The following ITPK1 variants were observed in gnomAD, a reference collection of about 807,000 sequenced individuals.
The protein encoded by ITPK1 is inositol-tetrakisphosphate 1-kinase, also known as inositol 1,3,4-trisphosphate 5/6-kinase.
In ITPK1, 21 loss-of-function variants were observed where a neutral mutation model predicts 45.3. The ratio of observed to expected loss-of-function variants is 0.46; its 90% confidence interval spans 0.33 to 0.67. The LOEUF is 0.67. ITPK1 is among the 30% of genes least tolerant of loss of function. ITPK1 has a pLI of 0.02. For missense variants in ITPK1, 474 were observed against 573.5 expected, an observed-to-expected ratio of 0.83 and a Z score of 1.77; for synonymous variants, 258 against 253.6, an observed-to-expected ratio of 1.02 and a Z score of -0.16.
chr14:93,060,476 G>C (rs569139184), intron 3 of ITPK1, among the ~76,000 whole-genome samples: 6 of 152,166 alleles, frequency 3.9e-5, no homozygotes, highest in Non-Finnish European at 7.4e-5. Flanking sequence ...CCCTGACCAG[G>C]AGAGAGGCCA....
In ITPK1 at chr14:93,105,230, G is replaced by A. The variant is rs996853280; in HGVS notation, c.95+9839C>T. Among the ~76,000 whole-genome samples, 53 of 152,170 alleles carry A rather than the reference G, an allele frequency of 3.5e-4. 1 individual carries two copies. Among genetic ancestry groups the A allele is most frequent in the Non-Finnish European group, 4.7e-4 (32 of 68,020 alleles). ...GTGAGCTCAGGGTACAGAGACCCAGGAGCCAGCCTGGGAACCTCTGGCTCC... is the reference window on the plus strand; with the variant it reads ...GTGAGCTCAGGGTACAGAGACCCAGAAGCCAGCCTGGGAACCTCTGGCTCC... On this transcript the variant is annotated intron_variant, in intron 2 of 10. Coordinates refer to ENST00000267615, the MANE Select transcript of ITPK1 (RefSeq NM_014216.6).
In ITPK1 at chr14:92,962,412, G is replaced by A. The variant is rs1376579555; in HGVS notation, c.464-17C>T. The A allele has an allele frequency of 8.2e-6, 13 of 1,587,832 alleles. No individual in the cohort carries two copies. The highest frequency in any genetic ancestry group is 1.0e-5 in the Non-Finnish European group (12 of 1,155,998). ...TTTTGCAAACTATGGGTTGGGGAGA[G>A]AAAAGCAGAGAGAAATTAGTGAGGC... On this transcript the variant is annotated splice_polypyrimidine_tract_variant and intron_variant, in intron 6 of 10. Transcript: ENST00000267615.
chr14:92,938,951 T>C lies in ITPK1; in HGVS notation c.*2610A>G, dbSNP rs1045372119. ...CTCAGCCAAAGTGTGGTCTGGCCCC[T>C]TGCTCCTGGAGCCCTTCAGCACATC... On this transcript the variant is annotated 3_prime_UTR_variant, in exon 11 of 11. Transcript: ENST00000267615. 2.5e-5 allele frequency: 5 copies of C among 198,230 alleles called. No individual in the cohort carries two copies. The highest frequency in any genetic ancestry group is 4.1e-5 in the Non-Finnish European group (4 of 97,668). 12.3% of individuals were successfully genotyped at this position (198,230 alleles called of 1,614,324 possible). A position where few individuals can be genotyped will look rare whatever the true frequency, so the allele number is the denominator to read the frequency against.
Position 93,115,302 on chromosome 14 carries a change from AG to A in ITPK1, c.-140del, listed in dbSNP as rs992995813. 4.1e-5 allele frequency: 17 copies of A among 417,544 alleles called. No homozygotes were observed. Among genetic ancestry groups the A allele is most frequent in the Non-Finnish European group, 6.7e-5 (16 of 239,838 alleles). 25.9% of individuals were successfully genotyped at this position (417,544 alleles called of 1,614,324 possible). On this transcript the variant is annotated splice_region_variant and 5_prime_UTR_variant, in exon 2 of 11. It adds an upstream start codon to the 5' untranslated region. Transcript: ENST00000267615. ...AACGGGGATCGGAGCTGGGGCGCGC[AG>A]TCCTGCCGCGCGGAGCGGAGCGGGG...
At chr14:92,955,318 T>C (rs1352585996) in intron 8 of ITPK1, among the ~76,000 whole-genome samples, 1 of 152,222 alleles carries the variant, frequency 6.6e-6, no homozygotes, top group Non-Finnish European at 1.5e-5. Flanking sequence ...TGCCTCCCGC[T>C]CTACATGGTG....
At chr14:93,022,818 G>A (rs990050497) in intron 3 of ITPK1, among the ~76,000 whole-genome samples, 5 of 151,160 alleles carry the variant, frequency 3.3e-5, no homozygotes, top group African/African-American at 1.2e-4. Flanking sequence ...GAGCCACTGT[G>A]CCTGGCCATA....
rs747049928 is a variant in ITPK1 at position 93,016,506 on chromosome 14, C to T, written c.246+170G>A. 3.3e-5 allele frequency among the ~76,000 whole-genome samples: 5 copies of T among 152,180 alleles called. No individual in the cohort carries two copies. Among genetic ancestry groups the T allele is most frequent in the Admixed American group, 6.5e-5 (1 of 15,278 alleles). ...ACGCTACACCCGAGGACACTGACGC[C>T]GCACAGAAGTACCTGCCCACGAGCC... On this transcript the variant is annotated intron_variant, in intron 4 of 10. Coordinates refer to ENST00000267615, the MANE Select transcript of ITPK1 (RefSeq NM_014216.6). The surrounding 1 kb of genome is among the most constrained non-coding windows in gnomAD (Gnocchi z 5.0).
chr14:93,013,278 A>T (rs1888005277), intron 4 of ITPK1, among the ~76,000 whole-genome samples: 1 of 150,410 alleles, frequency 6.6e-6, no homozygotes, highest in Non-Finnish European at 1.5e-5. Context: ...CCAATCAAAA[A>T]CACACAAAAA....
chr14:92,993,766 C>G lies in ITPK1; in HGVS notation c.364+114G>C, dbSNP rs550023416. On this transcript the variant is annotated intron_variant, in intron 5 of 10. Transcript: ENST00000267615. ...CACCATGGAATTCAAATGCTTCCTG[C>G]CCCAAAGTGCTTAAAAAGACAAGAC... 13 of 697,916 alleles carry G rather than the reference C, an allele frequency of 1.9e-5. No homozygotes were observed. The African/African-American group carries it at 2.1e-4, about 11-fold the overall frequency. 43.2% of individuals were successfully genotyped at this position (697,916 alleles called of 1,614,324 possible). A position where few individuals can be genotyped will look rare whatever the true frequency, so the allele number is the denominator to read the frequency against.
Position 92,939,720 on chromosome 14 carries a change from C to G in ITPK1, c.*1841G>C. 5 of 985,434 alleles carry G rather than the reference C, an allele frequency of 5.1e-6. No homozygotes were observed. Among genetic ancestry groups the G allele is most frequent in the Non-Finnish European group, 6.0e-6 (5 of 829,936 alleles). 61.0% of individuals were successfully genotyped at this position (985,434 alleles called of 1,614,324 possible). ...GGTACAGGAACACAGCCAGGAGTCA[C>G]GCTGCACACCCCCACCCGTACCTGA... On this transcript the variant is annotated 3_prime_UTR_variant, in exon 11 of 11. Transcript: ENST00000267615.
intron 9 of ITPK1, among the ~76,000 whole-genome samples, chr14:92,948,046 G>A (rs568287281): frequency 3.3e-5 from 5 of 152,290 alleles, no homozygotes; most frequent in African/African-American, 1.2e-4. Context: ...GCCACAAAGC[G>A]GAGGAACCCT....
chr14:92,956,060 A>G (rs1295442821), intron 8 of ITPK1, among the ~76,000 whole-genome samples: 1 of 152,146 alleles, frequency 6.6e-6, no homozygotes, highest in Non-Finnish European at 1.5e-5. Context: ...GTTCACGTGA[A>G]CAGAATAAAC....
intron 3 of ITPK1, among the ~76,000 whole-genome samples, chr14:93,061,362 C>T (rs375999936): frequency 2.0e-4 from 30 of 152,284 alleles, no homozygotes; most frequent in African/African-American, 7.2e-4. Flanking sequence ...GGGGACCACC[C>T]ACCTCCTCCA....
chr14:92,957,661 G>A (rs964710737), intron 8 of ITPK1, among the ~76,000 whole-genome samples: 1 of 152,224 alleles, frequency 6.6e-6, no homozygotes, highest in Admixed American at 6.5e-5. Flanking sequence ...GGCACGGTAG[G>A]AGTCCTGCAC....
At chr14:93,094,404 C>G (rs1344227371) in intron 2 of ITPK1, among the ~76,000 whole-genome samples, 1 of 152,192 alleles carries the variant, frequency 6.6e-6, no homozygotes, top group Non-Finnish European at 1.5e-5. Flanking sequence ...ATGTCTCCCC[C>G]AGACCAGCAA....
At chr14:92,990,296 T>C (rs1654666476) in intron 5 of ITPK1, among the ~76,000 whole-genome samples, 1 of 152,036 alleles carries the variant, frequency 6.6e-6, no homozygotes, top group South Asian at 2.1e-4. Flanking sequence ...TTCCTCTCCA[T>C]CCTAATGTCT....
At chr14:93,096,190 G>T (rs1028879840) in intron 2 of ITPK1, among the ~76,000 whole-genome samples, 3 of 152,100 alleles carry the variant, frequency 2.0e-5, no homozygotes, top group Non-Finnish European at 4.4e-5. Context: ...TGCTAAACCC[G>T]CTTCCCCTGC....
chr14:93,016,700 G>A lies in ITPK1; in HGVS notation c.222C>T (p.Ser74=). The A allele has an allele frequency of 6.2e-7, 1 of 1,614,090 alleles. No homozygotes were observed. Among genetic ancestry groups the A allele is most frequent in the Non-Finnish European group, 8.5e-7 (1 of 1,179,978 alleles). ...CCTGGAACCTGTGCACCAGCTCCAG[G>A]GACTGGCTATCATTCTGGTCGGCTT... The part of the protein sequence containing the change: ...ILEADQNDSQ[S]LELVHRFQEY... The change falls in exon 4 of 11, where the codon TCC becomes TCT. Residue 74 remains serine (S), a synonymous_variant. Transcript: ENST00000267615. This position sits in a 1 kb window ranked among gnomAD's most constrained non-coding sequence, Gnocchi z 5.0.
intron 3 of ITPK1, among the ~76,000 whole-genome samples, chr14:93,054,033 T>C (rs1421534229): frequency 6.6e-6 from 1 of 152,150 alleles, no homozygotes; most frequent in Non-Finnish European, 1.5e-5. Context: ...TAGAAGCACT[T>C]CCTGGCAGCC....
Sources: gnomAD v4.1 joint callset for allele counts (sites outside exome capture counted in the v4.1 genomes callset) on GRCh38, gnomAD v4.1.1 for gene constraint, Gnocchi (gnomAD v3.1) non-coding constraint, MANE v1.5 for transcripts, NCBI Gene and HGNC (gene_info 2026-07-23, HGNC 2026-07-21) for gene names.